The following DENND1B variants were observed in gnomAD, a reference collection of about 807,000 sequenced individuals.
The protein encoded by DENND1B is DENN domain-containing protein 1B.
A neutral mutation model predicts 90.1 loss-of-function variants in DENND1B; 59 were observed. That is an observed-to-expected ratio of 0.65 (90% CI 0.53 to 0.81). DENND1B has a LOEUF of 0.81. Among genes scored for constraint, DENND1B ranks in the 40% least tolerant of loss-of-function variants. The probability of loss-of-function intolerance (pLI) is 0.00; values close to 1 mark genes in which losing one functional copy is unlikely to be tolerated. For missense variants in DENND1B, 862 were observed against 912.6 expected (o/e 0.94, Z 0.71); for synonymous variants, 337 against 324.6 (o/e 1.04, Z -0.41).
At position 197,508,461 on chromosome 1, in the gene DENND1B, A is replaced by G. The variant is rs1667829471; in HGVS notation, c.*1999T>C. On this transcript the variant is annotated 3_prime_UTR_variant, in exon 23 of 23. Coordinates refer to ENST00000620048, the MANE Select transcript of DENND1B (RefSeq NM_001195215.2). ...ATAAGGATTAAACATTGTTTTCCTT[A>G]ATGTATACAGTCCATACTTATAAGG... 6.6e-6 allele frequency: 1 copy of G among 151,748 alleles called. No homozygotes were observed. Among genetic ancestry groups the G allele is most frequent in the Non-Finnish European group, 1.5e-5 (1 of 67,796 alleles). The allele number at this position is 151,748 out of a possible 1,614,324, so 9.4% of individuals were successfully genotyped here.
chr1:197,756,534 C>A (rs1435125222), intron 2 of DENND1B, among the ~76,000 whole-genome samples: 2 of 143,756 alleles, frequency 1.4e-5, no homozygotes, highest in African/African-American at 2.7e-5. Context: ...CAAGATCGCA[C>A]CACTGCACTC....
At chr1:197,770,043 GA>G (rs1656214556) in intron 2 of DENND1B, among the ~76,000 whole-genome samples, 2 of 151,966 alleles carry the variant, frequency 1.3e-5, no homozygotes, top group Non-Finnish European at 2.9e-5. Flanking sequence ...TATAGTTACT[GA>G]TTATAGTTAT....
Position 197,511,913 on chromosome 1 carries a change from C to G in DENND1B, c.1630G>C (p.Ala544Pro), listed in dbSNP as rs1668056742. 1.9e-6 allele frequency: 3 copies of G among 1,606,884 alleles called. No homozygotes were observed. The South Asian group carries it at 3.3e-5, about 18-fold the overall frequency. ...LSSEDGEEASAYLYESDDSVE... is the reference protein window; with the variant it reads ...LSSEDGEEASPYLYESDDSVE... The stretch of plus-strand genomic sequence containing the variant: ...GAGTCATCACTCTCATAGAGATAAG[C>G]AGAAGCTTCTTCACCATCTTCAGAA... The change falls in exon 22 of 23, where the codon GCT becomes CCT. Residue 544 changes from alanine (A) to proline (P), a missense_variant. Transcript: ENST00000620048.
At chr1:197,522,732 C>A (rs529934678) in intron 20 of DENND1B, among the ~76,000 whole-genome samples, 2 of 152,012 alleles carry the variant, frequency 1.3e-5, no homozygotes, top group African/African-American at 4.8e-5. Flanking sequence ...TTTGTTGAAC[C>A]TATGAGACCT....
At chr1:197,587,113 A>G (rs1303461697) in intron 14 of DENND1B, among the ~76,000 whole-genome samples, 1 of 152,230 alleles carries the variant, frequency 6.6e-6, no homozygotes, top group Admixed American at 6.5e-5. Flanking sequence ...AAAATTTGTT[A>G]TTTAATACAT....
intron 20 of DENND1B, among the ~76,000 whole-genome samples, chr1:197,536,896 C>T (rs1341684610): frequency 6.6e-6 from 1 of 151,974 alleles, no homozygotes; most frequent in East Asian, 1.9e-4. Context: ...ACAAAATTAG[C>T]CAGGCGTGGT....
At chr1:197,735,146 C>T (rs1041190366) in intron 2 of DENND1B, 12 of 976,980 alleles carry the variant, frequency 1.2e-5, no homozygotes, top group Admixed American at 1.1e-4. Flanking sequence ...ATGAATAATA[C>T]AAAAGTTAAC....
At chr1:197,669,164 T>C in intron 5 of DENND1B, among the ~76,000 whole-genome samples, 1 of 152,188 alleles carries the variant, frequency 6.6e-6, no homozygotes, top group Admixed American at 6.5e-5. Context: ...TTTTAGATTT[T>C]ATTATACTTG....
chr1:197,562,621 G>T (rs1333431638), intron 15 of DENND1B, among the ~76,000 whole-genome samples: 2 of 151,814 alleles, frequency 1.3e-5, no homozygotes, highest in African/African-American at 4.8e-5. Flanking sequence ...CTGCTCCACT[G>T]ACTGGCTATT....
At chr1:197,691,129 C>T (rs1190828670) in intron 3 of DENND1B, among the ~76,000 whole-genome samples, 1 of 151,868 alleles carries the variant, frequency 6.6e-6, no homozygotes, top group Non-Finnish European at 1.5e-5. Flanking sequence ...AACTAAAAAT[C>T]TTCTGCACCT....
intron 3 of DENND1B, among the ~76,000 whole-genome samples, chr1:197,686,119 AC>A (rs980449347): frequency 3.9e-5 from 6 of 152,172 alleles, no homozygotes; most frequent in Non-Finnish European, 8.8e-5. Flanking sequence ...AAGAGAAAAC[AC>A]AATTTCCTAA....
chr1:197,532,402 AGG>A, intron 20 of DENND1B, among the ~76,000 whole-genome samples: 1 of 6,684 alleles, frequency 1.5e-4, no homozygotes, highest in African/African-American at 1.6e-4. Flanking sequence ...ATAGAAAAAG[AGG>A]GAATCCTCCC....
intron 16 of DENND1B, chr1:197,552,685 C>CT: frequency 1.9e-6 from 2 of 1,059,678 alleles, no homozygotes; most frequent in Non-Finnish European, 1.1e-6. Flanking sequence ...ATAACCATCA[C>CT]TAGTAGTTTT....
At chr1:197,578,660 T>C (rs1249079628) in intron 15 of DENND1B, among the ~76,000 whole-genome samples, 1 of 152,112 alleles carries the variant, frequency 6.6e-6, no homozygotes, top group Admixed American at 6.5e-5. Context: ...AACATCACAT[T>C]GTACCCCATA....
chr1:197,781,790 T>G, the DENND1B span, among the ~76,000 whole-genome samples: 3 of 152,184 alleles, frequency 2.0e-5, no homozygotes, highest in African/African-American at 7.2e-5. Flanking sequence ...TCAGATAAAT[T>G]TTGACACCTT....
At chr1:197,633,376 T>C (rs1273189718) in intron 10 of DENND1B, among the ~76,000 whole-genome samples, 1 of 152,198 alleles carries the variant, frequency 6.6e-6, no homozygotes, top group Non-Finnish European at 1.5e-5. Flanking sequence ...CTGCCTGATC[T>C]GTGAAAATGG....
chr1:197,506,144 A>C lies in DENND1B; in HGVS notation c.*4316T>G, dbSNP rs1667719679. 1 of 151,736 alleles carries C rather than the reference A, an allele frequency of 6.6e-6. No individual in the cohort carries two copies. 9.4% of individuals were successfully genotyped at this position (151,736 alleles called of 1,614,324 possible). ...AAAACATGACCTTAAGGCATCTGCC[A>C]GAAAAACAGATGTACATATTTATAT... On this transcript the variant is annotated 3_prime_UTR_variant, in exon 23 of 23. Coordinates refer to ENST00000620048, the MANE Select transcript of DENND1B (RefSeq NM_001195215.2).
At chr1:197,529,262 GTGTGTGTATATGTATATATGTATATATA>G (rs1233238886) in intron 20 of DENND1B, among the ~76,000 whole-genome samples, 4 of 90,910 alleles carry the variant, frequency 4.4e-5, no homozygotes, top group African/African-American at 5.2e-5. Flanking sequence ...GTGTGTGTGT[GTGTGTGTATATGTATATATGTATATATA>G]TGTATATATG....
chr1:197,715,114 GA>G (rs751186560), intron 2 of DENND1B, 40 bp from the exon 3 acceptor site: 1 of 1,554,596 alleles, frequency 6.4e-7, no homozygotes, highest in South Asian at 1.1e-5. Flanking sequence ...AGCAGCAAAA[GA>G]ACACATTTAA....
Sources: gnomAD v4.1 joint callset for allele counts (sites outside exome capture counted in the v4.1 genomes callset) on GRCh38, gnomAD v4.1.1 for gene constraint, MANE v1.5 for transcripts, NCBI Gene and HGNC (gene_info 2026-07-23, HGNC 2026-07-21) for gene names.